WDHD1: variants seen among roughly 807,000 people sequenced by gnomAD.
WDHD1 encodes the protein WD repeat and HMG-box DNA binding protein 1.
A neutral mutation model predicts 135.4 loss-of-function variants in WDHD1; 111 were observed. The ratio of observed to expected loss-of-function variants is 0.82; its 90% confidence interval spans 0.70 to 0.96. The LOEUF (loss-of-function observed/expected upper bound fraction) is 0.96. Among genes scored for constraint, WDHD1 ranks in the 40% least tolerant of loss-of-function variants. The pLI, the probability that WDHD1 is intolerant of heterozygous loss-of-function variation, is 0.00. For missense variants in WDHD1, 1,351 were observed against 1,336.3 expected (o/e 1.01, Z -0.17); for synonymous variants, 434 against 439.0 (o/e 0.99, Z 0.14).
In WDHD1 at chr14:54,996,831, C is replaced by T. The variant is rs576795440; in HGVS notation, c.943-1018G>A. On this transcript the variant is annotated intron_variant, in intron 10 of 25. Coordinates refer to ENST00000360586, the MANE Select transcript of WDHD1 (RefSeq NM_007086.4). ...TTGACAGAGTGGAGTCTCGCTCTGT[C>T]GCCAGGCTGGAGTGCAGTGGCGTGA... Among the ~76,000 whole-genome samples, 5 of 152,102 alleles carry T rather than the reference C, an allele frequency of 3.3e-5. No homozygotes were observed. The South Asian group carries it at 6.2e-4, about 19-fold the overall frequency.
intron 14 of WDHD1, among the ~76,000 whole-genome samples, chr14:54,986,753 G>C (rs531964358): frequency 6.6e-6 from 1 of 152,244 alleles, no homozygotes; most frequent in South Asian, 2.1e-4. Context: ...CATAGTGACG[G>C]GGACTGAAGA....
At chr14:54,962,127 G>A (rs999628500) in intron 21 of WDHD1, among the ~76,000 whole-genome samples, 3 of 152,154 alleles carry the variant, frequency 2.0e-5, no homozygotes, top group African/African-American at 4.8e-5. Flanking sequence ...GAGCCACTGC[G>A]CCCAGCCTTC....
chr14:54,942,478 T>C (rs2040855916), intron 25 of WDHD1, among the ~76,000 whole-genome samples: 1 of 152,124 alleles, frequency 6.6e-6, no homozygotes, highest in African/African-American at 2.4e-5. Flanking sequence ...TGAGCGTATG[T>C]ATGTATTTAC....
chr14:54,987,049 A>G, intron 14 of WDHD1, 97 bp downstream of exon 14: 8 of 1,366,858 alleles, frequency 5.9e-6, no homozygotes, highest in Non-Finnish European at 8.1e-6. Flanking sequence ...TTCAAAAGGA[A>G]GTATATAATC....
chr14:54,966,341 A>G, intron 18 of WDHD1, 134 bp downstream of exon 18: 1 of 1,053,728 alleles, frequency 9.5e-7, no homozygotes, highest in South Asian at 2.0e-5. Context: ...TCGCACAAAA[A>G]ACAACAACAA....
chr14:54,975,455 C>T (rs1240905654), intron 16 of WDHD1, among the ~76,000 whole-genome samples: 1 of 151,616 alleles, frequency 6.6e-6, no homozygotes, highest in Non-Finnish European at 1.5e-5. Context: ...TGAAGCGATT[C>T]TCTTGCCTCA....
intron 2 of WDHD1, among the ~76,000 whole-genome samples, chr14:55,019,227 A>G (rs965686794): frequency 1.3e-5 from 2 of 152,222 alleles, no homozygotes; most frequent in African/African-American, 2.4e-5. Flanking sequence ...AATATGTACC[A>G]GAAATGATTA....
At chr14:54,984,078 T>A (rs2041660292) in intron 15 of WDHD1, among the ~76,000 whole-genome samples, 1 of 152,170 alleles carries the variant, frequency 6.6e-6, no homozygotes, top group South Asian at 2.1e-4. Context: ...AAATTCTAAG[T>A]TTTCTGTATG....
chr14:54,977,591 T>C (rs1456846366), intron 16 of WDHD1, among the ~76,000 whole-genome samples: 2 of 152,158 alleles, frequency 1.3e-5, no homozygotes, highest in Non-Finnish European at 2.9e-5. Context: ...GCTACTATTA[T>C]TTGGAGGCAT....
At chr14:54,952,254 G>C (rs922603961) in intron 24 of WDHD1, among the ~76,000 whole-genome samples, 8 of 152,198 alleles carry the variant, frequency 5.3e-5, no homozygotes, top group Non-Finnish European at 1.0e-4. Flanking sequence ...CGTCGTCTCA[G>C]CCCAAAATCT....
chr14:54,955,432 C>T, intron 24 of WDHD1, 129 bp downstream of exon 24: 1 of 843,184 alleles, frequency 1.2e-6, no homozygotes, highest in Non-Finnish European at 1.6e-6. Flanking sequence ...TCACAAGTGT[C>T]CAGAATGCCC....
intron 2 of WDHD1, 61 bp from the exon 3 acceptor site, chr14:55,013,657 G>A: frequency 1.5e-6 from 2 of 1,313,672 alleles, no homozygotes; most frequent in South Asian, 1.2e-5. Flanking sequence ...TATAATGCTA[G>A]CACTTTGGGA....
rs577684387 is a variant in WDHD1 at position 54,979,513 on chromosome 14, TCCCATG to T, written c.2063+2021_2063+2026del. 9.5e-4 allele frequency among the ~76,000 whole-genome samples: 144 copies of T among 152,218 alleles called. 1 individual carries two copies. The highest frequency in any genetic ancestry group is 3.3e-3 in the African/African-American group (137 of 41,556). On this transcript the variant is annotated intron_variant, in intron 16 of 25. Coordinates refer to ENST00000360586, the MANE Select transcript of WDHD1 (RefSeq NM_007086.4). ...CATATTCTACTTTCATTTCTTTACCTCCCATGCCCACCCCAATCTGGAATTTAACAT... is the reference window on the plus strand; with the variant it reads ...CATATTCTACTTTCATTTCTTTACCTCCCACCCCAATCTGGAATTTAACAT...
chr14:55,007,907 C>T (rs1385179804), intron 6 of WDHD1, among the ~76,000 whole-genome samples: 4 of 152,146 alleles, frequency 2.6e-5, no homozygotes, highest in Non-Finnish European at 5.9e-5. Context: ...TTATTTCGTA[C>T]CTCCTTTAAA....
intron 11 of WDHD1, among the ~76,000 whole-genome samples, chr14:54,991,838 C>T (rs2041796969): frequency 6.6e-6 from 1 of 151,962 alleles, no homozygotes; most frequent in Non-Finnish European, 1.5e-5. Flanking sequence ...TTAAAAAACA[C>T]ATGCCAGATA....
Position 54,939,006 on chromosome 14 carries a change from A to G in WDHD1, c.*2484T>C, listed in dbSNP as rs2040803368. On this transcript the variant is annotated 3_prime_UTR_variant, in exon 26 of 26. Coordinates refer to ENST00000360586, the MANE Select transcript of WDHD1 (RefSeq NM_007086.4). Reference sequence around the variant, plus strand: ...CATGCTGGGAACTGAGGGATGAAGTATATGCATATTCCAAATGGTTCAGGA... The same window carrying G: ...CATGCTGGGAACTGAGGGATGAAGTGTATGCATATTCCAAATGGTTCAGGA... 6.6e-6 allele frequency: 1 copy of G among 152,186 alleles called. No individual in the cohort carries two copies. Among genetic ancestry groups the G allele is most frequent in the Admixed American group, 6.5e-5 (1 of 15,280 alleles). The allele number at this position is 152,186 out of a possible 1,614,324, so 9.4% of individuals were successfully genotyped here.
chr14:54,958,946 C>A (rs146417050), intron 21 of WDHD1, among the ~76,000 whole-genome samples: 1 of 152,206 alleles, frequency 6.6e-6, no homozygotes, highest in African/African-American at 2.4e-5. Context: ...TCTGTCTTCA[C>A]GACATTCTAC....
intron 4 of WDHD1, among the ~76,000 whole-genome samples, chr14:55,009,032 T>G (rs2042121018): frequency 6.6e-6 from 1 of 152,112 alleles, no homozygotes; most frequent in African/African-American, 2.4e-5. Flanking sequence ...CCCGACCTTG[T>G]GATCCGCCCA....
chr14:54,967,193 T>C, intron 17 of WDHD1, 87 bp downstream of exon 17: 2 of 1,079,144 alleles, frequency 1.9e-6, no homozygotes, highest in African/African-American at 1.6e-5. Context: ...GAATATTCAA[T>C]ACTGGCCATC....
Sources: gnomAD v4.1 joint callset for allele counts (sites outside exome capture counted in the v4.1 genomes callset) on GRCh38, gnomAD v4.1.1 for gene constraint, MANE v1.5 for transcripts, NCBI Gene and HGNC (gene_info 2026-07-23, HGNC 2026-07-21) for gene names.